Variants in PLCZ1 observed in about 807,000 individuals in gnomAD.
The protein encoded by PLCZ1 is 1-phosphatidylinositol 4,5-bisphosphate phosphodiesterase zeta-1.
Under a neutral mutation model 76.8 loss-of-function variants are expected in PLCZ1, and 64 were observed. That is an observed-to-expected ratio of 0.83 (90% CI 0.68 to 1.03). The LOEUF (loss-of-function observed/expected upper bound fraction) is 1.03, where lower values mean the gene tolerates loss of function less well. PLCZ1 is among the 50% of genes least tolerant of loss of function. PLCZ1 has a pLI of 0.00. For missense variants in PLCZ1, 751 were observed against 713.7 expected (o/e 1.05, Z -0.60); for synonymous variants, 248 against 230.8 (o/e 1.07, Z -0.68).
chr12:18,691,079 C>T lies in PLCZ1; in HGVS notation c.1462-2861G>A, dbSNP rs545188661. On this transcript the variant is annotated intron_variant, in intron 12 of 14. Transcript: ENST00000266505. ...AGACCTGATGACAGGTAGTAAATTC[C>T]TGATACAGGAGAGCAGCAAAATAGG... Among the ~76,000 whole-genome samples, 15 of 152,170 alleles carry T rather than the reference C, an allele frequency of 9.9e-5. No homozygotes were observed. In the South Asian group the frequency reaches 2.9e-3, roughly 30 times the overall value.
At chr12:18,725,930 A>G (rs1332777216) in intron 3 of PLCZ1, among the ~76,000 whole-genome samples, 3 of 152,094 alleles carry the variant, frequency 2.0e-5, no homozygotes, top group African/African-American at 7.2e-5. Flanking sequence ...CTGGGTTCTT[A>G]GAAGACTCCA....
chr12:18,692,997 A>G (rs754698075), intron 12 of PLCZ1: 87 of 1,405,190 alleles, frequency 6.2e-5, no homozygotes, highest in Non-Finnish European at 8.0e-5. Context: ...CTATCTTCTC[A>G]TGGAGGAAGA....
the PLCZ1 span, among the ~76,000 whole-genome samples, chr12:18,674,819 C>T: frequency 2.7e-4 from 41 of 152,242 alleles, no homozygotes; most frequent in South Asian, 1.7e-3. Flanking sequence ...CAGGCCTCAA[C>T]ACAGATTGCA....
chr12:18,671,827 C>A, the PLCZ1 span, among the ~76,000 whole-genome samples: 3 of 152,104 alleles, frequency 2.0e-5, no homozygotes, highest in Non-Finnish European at 4.4e-5. Flanking sequence ...ATTGATTTCT[C>A]ACAGTTTTGG....
the PLCZ1 span, among the ~76,000 whole-genome samples, chr12:18,650,291 A>AAAAC: frequency 9.5e-5 from 9 of 94,296 alleles, no homozygotes; most frequent in South Asian, 4.8e-3. Flanking sequence ...GCTAACCCAA[A>AAAAC]TTTCTCTCTC....
At chr12:18,693,367 T>C in intron 12 of PLCZ1, 1 of 1,602,642 alleles carries the variant, frequency 6.2e-7, no homozygotes. Context: ...ATTCGGGAAA[T>C]TAAGGAATCT....
chr12:18,691,104 G>C (rs531039373), intron 12 of PLCZ1, among the ~76,000 whole-genome samples: 2 of 152,178 alleles, frequency 1.3e-5, no homozygotes, highest in African/African-American at 4.8e-5. Flanking sequence ...AGCAAAATAG[G>C]TCAGATCAAG....
In PLCZ1 at chr12:18,705,209, G is replaced by C; in HGVS notation, c.821C>G (p.Ser274Cys). 5 of 1,613,960 alleles carry C rather than the reference G, an allele frequency of 3.1e-6. No individual in the cohort carries two copies. Among genetic ancestry groups the C allele is most frequent in the Non-Finnish European group, 4.2e-6 (5 of 1,179,980 alleles). ...ATCAGGAAAATCATCAAGCATATCAGAAAGCAAGGACTCTCCAAAAGTAGC... is the reference window on the plus strand; with the variant it reads ...ATCAGGAAAATCATCAAGCATATCACAAAGCAAGGACTCTCCAAAAGTAGC... ...LQATFGESLL[S>C]DMLDDFPDTL... The change falls in exon 7 of 15, where the codon TCT (serine) becomes TGT (cysteine). Residue 274 changes from serine (S) to cysteine (C), a missense_variant. Physicochemically the swap from Ser to Cys is moderately radical, Grantham distance 112. Transcript: ENST00000266505.
intron 14 of PLCZ1, chr12:18,683,666 T>G: frequency 2.3e-6 from 3 of 1,292,494 alleles, no homozygotes; most frequent in Non-Finnish European, 3.1e-6. Flanking sequence ...GACAAGGTAA[T>G]TGGGAGCACA....
chr12:18,650,525 A>G, the PLCZ1 span, among the ~76,000 whole-genome samples: 3 of 150,226 alleles, frequency 2.0e-5, no homozygotes, highest in African/African-American at 7.3e-5. Context: ...GCTATTTTGT[A>G]TGCTCATTTA....
At chr12:18,728,824 A>G (rs1384261521) in intron 3 of PLCZ1, among the ~76,000 whole-genome samples, 1 of 152,144 alleles carries the variant, frequency 6.6e-6, no homozygotes, top group Non-Finnish European at 1.5e-5. Context: ...GGAATGTAAC[A>G]TTAGAAGAGG....
chr12:18,668,860 C>T, the PLCZ1 span, among the ~76,000 whole-genome samples: 2 of 152,006 alleles, frequency 1.3e-5, no homozygotes, highest in Admixed American at 6.6e-5. Context: ...GAGCTTACAC[C>T]GGACAAAAAT....
intron 13 of PLCZ1, among the ~76,000 whole-genome samples, chr12:18,686,331 G>GA (rs1236359437): frequency 6.6e-6 from 1 of 151,934 alleles, no homozygotes; most frequent in African/African-American, 2.4e-5. Context: ...CCATTTTCTA[G>GA]AAAAAAGAAA....
chr12:18,671,204 A>G, the PLCZ1 span, among the ~76,000 whole-genome samples: 1 of 147,846 alleles, frequency 6.8e-6, no homozygotes, highest in Non-Finnish European at 1.5e-5. Flanking sequence ...AAAAAAAAAG[A>G]AAGAAAGAAA....
At chr12:18,693,728 G>A in intron 12 of PLCZ1, 2 of 1,544,090 alleles carry the variant, frequency 1.3e-6, no homozygotes. Context: ...CCAGTTGGAT[G>A]GATTTGATTC....
In PLCZ1 at chr12:18,736,801, T is replaced by C. The variant is rs1023940673; in HGVS notation, c.12-457A>G. 4 of 616,156 alleles carry C rather than the reference T, an allele frequency of 6.5e-6. No individual in the cohort carries two copies. The African/African-American group carries it at 7.6e-5, about 12-fold the overall frequency. The allele number at this position is 616,156 out of a possible 1,614,324, so 38.2% of individuals were successfully genotyped here. A position where few individuals can be genotyped will look rare whatever the true frequency, so the allele number is the denominator to read the frequency against. ...ATTCCTAATATGCCACCGAACACAG[T>C]TTCTGCTACTTAGTGTTCAATAAAT... On this transcript the variant is annotated intron_variant, in intron 2 of 14. Transcript: ENST00000266505.
At chr12:18,734,550 C>A (rs985456142) in intron 3 of PLCZ1, among the ~76,000 whole-genome samples, 2 of 152,118 alleles carry the variant, frequency 1.3e-5, no homozygotes, top group South Asian at 2.1e-4. Flanking sequence ...GAGGTTTCAA[C>A]ACATTGGCCA....
intron 6 of PLCZ1, among the ~76,000 whole-genome samples, chr12:18,705,806 C>T (rs564558967): frequency 2.0e-5 from 3 of 152,184 alleles, no homozygotes; most frequent in Admixed American, 1.3e-4. Context: ...GCAGAGATTA[C>T]AACGAGCCGA....
At chr12:18,675,185 C>A in the PLCZ1 span, among the ~76,000 whole-genome samples, 10 of 152,274 alleles carry the variant, frequency 6.6e-5, no homozygotes, top group South Asian at 1.0e-3. Flanking sequence ...CAGAGCTGGT[C>A]TAGATGGCTA....
Sources: gnomAD v4.1 joint callset for allele counts (sites outside exome capture counted in the v4.1 genomes callset) on GRCh38, gnomAD v4.1.1 for gene constraint, MANE v1.5 for transcripts, NCBI Gene and HGNC (gene_info 2026-07-23, HGNC 2026-07-21) for gene names.